MCPH1: variants seen among roughly 807,000 people sequenced by gnomAD.
MCPH1 encodes the protein microcephalin 1, also known as microcephalin.
In MCPH1, 104 loss-of-function variants were observed where a neutral mutation model predicts 84.5. The ratio of observed to expected loss-of-function variants is 1.23; its 90% CI spans 1.05 to 1.45. MCPH1 has a LOEUF of 1.45. Among genes scored for constraint, MCPH1 ranks in the 40% most tolerant of loss-of-function variants. The pLI is 0.00. For synonymous variants in MCPH1, 514 were observed against 366.8 expected, an observed-to-expected ratio of 1.40 and a Z score of -4.58; for missense variants, 1,498 against 1,005.7, an observed-to-expected ratio of 1.49 and a Z score of -6.62.
At chr8:6,542,492 C>T (rs185663180) in intron 12 of MCPH1, among the ~76,000 whole-genome samples, 3 of 152,088 alleles carry the variant, frequency 2.0e-5, no homozygotes, top group Admixed American at 6.6e-5. Flanking sequence ...GGGACGCTAG[C>T]GCCTGGGTCA....
At chr8:6,500,109 G>C in intron 12 of MCPH1, 180 bp downstream of exon 12, 1 of 622,720 alleles carries the variant, frequency 1.6e-6, no homozygotes, top group Non-Finnish European at 2.9e-6. Flanking sequence ...ATGTGAGAAC[G>C]TGAGACCATT....
At position 6,645,154 on chromosome 8, in the gene MCPH1, C is replaced by G. The variant is rs567994282; in HGVS notation, c.*2105C>G. The G allele has an allele frequency of 3.3e-5, 5 of 152,400 alleles. No homozygotes were observed. The highest frequency in any genetic ancestry group is 2.1e-4 in the South Asian group (1 of 4,822). 9.4% of individuals were successfully genotyped at this position (152,400 alleles called of 1,614,324 possible). A position where few individuals can be genotyped will look rare whatever the true frequency, so the allele number is the denominator to read the frequency against. On this transcript the variant is annotated 3_prime_UTR_variant, in exon 14 of 14. Coordinates refer to ENST00000344683, the MANE Select transcript of MCPH1 (RefSeq NM_024596.5). ...GCCACAGAGAACTTCCATCCCCCAC[C>G]ACATCAGCCACGGAGCCAGCCCAGC...
At chr8:6,603,151 C>G (rs2980673) in intron 12 of MCPH1, among the ~76,000 whole-genome samples, 6,323 of 152,176 alleles carry the variant, frequency 0.042, 457 homozygotes, top group African/African-American at 0.14. Context: ...AGTGATCAGC[C>G]TCTACCGCCG....
chr8:6,531,499 C>T (rs1269878003), intron 12 of MCPH1, among the ~76,000 whole-genome samples: 3 of 152,072 alleles, frequency 2.0e-5, no homozygotes, highest in African/African-American at 7.2e-5. Flanking sequence ...GCCATGTTGG[C>T]CAGGCTGGTC....
At chr8:6,519,902 A>G (rs1816987369) in intron 12 of MCPH1, 5 of 1,614,132 alleles carry the variant, frequency 3.1e-6, no homozygotes, top group East Asian at 2.2e-5. Flanking sequence ...GTTAACGTGT[A>G]GATGCCATTC....
intron 12 of MCPH1, among the ~76,000 whole-genome samples, chr8:6,536,986 A>C (rs1335841325): frequency 6.6e-6 from 1 of 151,726 alleles, no homozygotes; most frequent in Non-Finnish European, 1.5e-5. Flanking sequence ...AAAAAAAAAA[A>C]AAAACCAACC....
At position 6,593,363 on chromosome 8, in the gene MCPH1, A is replaced by T. The variant is rs1467907508; in HGVS notation, c.2215-28091A>T. Among the ~76,000 whole-genome samples the T allele has an allele frequency of 6.2e-5, 9 of 146,260 alleles. No homozygotes were observed. The South Asian group carries it at 8.8e-4, about 14-fold the overall frequency. ...CTCCCAACCTGCTGGGAATATAGGC[A>T]TAAGCCACCAAACTCAACTTATAAT... is the stretch of plus-strand genomic sequence containing the variant. On this transcript the variant is annotated intron_variant, in intron 12 of 13. Coordinates refer to ENST00000344683, the MANE Select transcript of MCPH1 (RefSeq NM_024596.5).
At chr8:6,600,506 A>G (rs1022422636) in intron 12 of MCPH1, among the ~76,000 whole-genome samples, 7 of 152,240 alleles carry the variant, frequency 4.6e-5, no homozygotes, top group Non-Finnish European at 1.0e-4. Flanking sequence ...TTGGCGGCAC[A>G]TCTCCAGCTT....
At chr8:6,550,010 CG>C (rs1823338974) in intron 12 of MCPH1, among the ~76,000 whole-genome samples, 5 of 152,198 alleles carry the variant, frequency 3.3e-5, no homozygotes, top group Admixed American at 3.3e-4. Flanking sequence ...GGTGATCATT[CG>C]GGGACGGGGG....
intron 12 of MCPH1, among the ~76,000 whole-genome samples, chr8:6,610,042 G>T (rs572280529): frequency 6.6e-6 from 1 of 152,134 alleles, no homozygotes; most frequent in Non-Finnish European, 1.5e-5. Flanking sequence ...ACAACACATG[G>T]TTTTGCCTGA....
chr8:6,580,914 C>G (rs1827518735), intron 12 of MCPH1, among the ~76,000 whole-genome samples: 1 of 152,216 alleles, frequency 6.6e-6, no homozygotes, highest in Non-Finnish European at 1.5e-5. Context: ...TCCGCAGGTT[C>G]TGCATCTGTA....
chr8:6,568,125 C>G (rs1479791123), intron 12 of MCPH1, among the ~76,000 whole-genome samples: 5 of 152,202 alleles, frequency 3.3e-5, no homozygotes, highest in Non-Finnish European at 7.3e-5. Flanking sequence ...GCCAGTGTTA[C>G]AAAGAATCTC....
At chr8:6,614,656 A>G (rs913942936) in intron 12 of MCPH1, among the ~76,000 whole-genome samples, 2 of 152,186 alleles carry the variant, frequency 1.3e-5, no homozygotes, top group African/African-American at 2.4e-5. Context: ...TTCAATGCCT[A>G]TATCTGCCTC....
At chr8:6,585,225 G>T (rs777016833) in intron 12 of MCPH1, among the ~76,000 whole-genome samples, 53 of 152,334 alleles carry the variant, frequency 3.5e-4, no homozygotes, top group Admixed American at 5.9e-4. Context: ...ACGGGGAGAG[G>T]AGCTGGGGTC....
chr8:6,518,109 G>A (rs1301970359), intron 12 of MCPH1, among the ~76,000 whole-genome samples: 1 of 152,104 alleles, frequency 6.6e-6, no homozygotes, highest in Non-Finnish European at 1.5e-5. Context: ...GTGCACTGGG[G>A]TGGGAAGCTT....
At chr8:6,484,095 A>C (rs1227959692) in intron 11 of MCPH1, among the ~76,000 whole-genome samples, 2 of 152,212 alleles carry the variant, frequency 1.3e-5, no homozygotes, top group African/African-American at 4.8e-5. Flanking sequence ...TCAAAATTGA[A>C]AGCTTTTACT....
At chr8:6,465,732 A>C (rs568025433) in intron 9 of MCPH1, among the ~76,000 whole-genome samples, 5 of 152,280 alleles carry the variant, frequency 3.3e-5, no homozygotes, top group Non-Finnish European at 2.9e-5. Flanking sequence ...TCAGAGACTC[A>C]TGTTAATAAG....
rs115945974 is a variant in MCPH1, at chr8:6,647,041, T to A, written c.*3992T>A. The A allele has an allele frequency of 3.1e-3, 469 of 151,898 alleles. 2 individuals are homozygous for A. Among genetic ancestry groups the A allele is most frequent in the African/African-American group, 0.011 (437 of 41,388 alleles). The allele number at this position is 151,898 out of a possible 1,614,324, so 9.4% of individuals were successfully genotyped here. On this transcript the variant is annotated 3_prime_UTR_variant, in exon 14 of 14. Transcript: ENST00000344683. ...AAGCCACAGACTATGAAAAAATACT[T>A]GCAAATCATATATCTGATAAAGGAC...
chr8:6,465,116 C>T (rs1806714365), intron 9 of MCPH1, among the ~76,000 whole-genome samples: 1 of 152,214 alleles, frequency 6.6e-6, no homozygotes, highest in East Asian at 1.9e-4. Flanking sequence ...ATCTTACTAT[C>T]TGCACCGTTT....
Sources: allele counts gnomAD v4.1 joint callset (sites outside exome capture counted in the v4.1 genomes callset), GRCh38; gene constraint gnomAD v4.1.1; transcripts MANE v1.5; gene names NCBI Gene and HGNC (gene_info 2026-07-23, HGNC 2026-07-21).